STK39: variants seen among roughly 807,000 people sequenced by gnomAD.
STK39 encodes the protein STE20/SPS1-related proline-alanine-rich protein kinase.
A neutral mutation model predicts 77.8 loss-of-function variants in STK39; 20 were observed. The ratio of observed to expected loss-of-function variants is 0.26; its 90% CI spans 0.18 to 0.37. The LOEUF (loss-of-function observed/expected upper bound fraction) is 0.37. Among genes scored for constraint, STK39 ranks in the 10% least tolerant of loss-of-function variants. STK39 has a pLI of 1.00. For synonymous variants in STK39, 246 were observed against 234.1 expected (o/e 1.05, Z -0.47); for missense variants, 479 against 656.5 (o/e 0.73, Z 2.95).
At chr2:168,186,567 T>C (rs1022997031) in intron 1 of STK39, among the ~76,000 whole-genome samples, 1 of 152,188 alleles carries the variant, frequency 6.6e-6, no homozygotes, top group Non-Finnish European at 1.5e-5. Context: ...TAGACAGGGA[T>C]TCTATCCAAA....
chr2:168,114,420 A>G (rs1687204781), intron 10 of STK39, among the ~76,000 whole-genome samples: 2 of 152,212 alleles, frequency 1.3e-5, no homozygotes, highest in Non-Finnish European at 2.9e-5. Flanking sequence ...AAGAAGGCAA[A>G]AAAAGCATTT....
At chr2:168,019,144 T>C (rs1055634405) in intron 14 of STK39, among the ~76,000 whole-genome samples, 6 of 152,200 alleles carry the variant, frequency 3.9e-5, no homozygotes, top group Non-Finnish European at 7.3e-5. Flanking sequence ...ATAACTGTGC[T>C]TCTTTTAGGA....
chr2:168,041,442 A>G (rs1311710527), intron 14 of STK39, among the ~76,000 whole-genome samples: 1 of 147,578 alleles, frequency 6.8e-6, no homozygotes, highest in Non-Finnish European at 1.5e-5. Context: ...TGTCCACTGT[A>G]TATTTGGGGA....
chr2:168,207,916 G>A (rs1689783230), intron 1 of STK39, among the ~76,000 whole-genome samples: 2 of 152,138 alleles, frequency 1.3e-5, no homozygotes, highest in Admixed American at 6.5e-5. Context: ...CAAAAGTGGA[G>A]GGAAGAGTAA....
At chr2:168,203,778 G>A (rs1412615878) in intron 1 of STK39, among the ~76,000 whole-genome samples, 1 of 152,232 alleles carries the variant, frequency 6.6e-6, no homozygotes, top group East Asian at 1.9e-4. Flanking sequence ...ATTTTTAGTA[G>A]AGACGGGGTT....
intron 17 of STK39, among the ~76,000 whole-genome samples, chr2:167,963,565 T>C (rs2105529129): frequency 6.6e-6 from 1 of 151,658 alleles, no homozygotes; most frequent in East Asian, 1.9e-4. Flanking sequence ...GACAGTGTCA[T>C]CCCAAACCAG....
At chr2:168,227,977 C>A (rs996909367) in intron 1 of STK39, among the ~76,000 whole-genome samples, 3 of 152,220 alleles carry the variant, frequency 2.0e-5, no homozygotes, top group Admixed American at 2.0e-4. Context: ...TTCTACCAAT[C>A]AACGAAGTGC....
chr2:168,119,680 C>G (rs1170572774), intron 10 of STK39, among the ~76,000 whole-genome samples: 1 of 152,142 alleles, frequency 6.6e-6, no homozygotes, highest in African/African-American at 2.4e-5. Context: ...TCCACAATGG[C>G]ACAGACTTAA....
At chr2:168,133,677 G>T (rs944812013) in intron 8 of STK39, among the ~76,000 whole-genome samples, 1 of 152,128 alleles carries the variant, frequency 6.6e-6, no homozygotes, top group African/African-American at 2.4e-5. Context: ...GGCCAACATG[G>T]TGAAACCCCA....
At chr2:168,019,037 C>A (rs2105323333) in intron 14 of STK39, among the ~76,000 whole-genome samples, 1 of 152,024 alleles carries the variant, frequency 6.6e-6, no homozygotes, top group East Asian at 1.9e-4. Flanking sequence ...GAGCCTTGGA[C>A]CTTGAACTTT....
At chr2:168,240,074 C>T (rs1690720905) in intron 1 of STK39, among the ~76,000 whole-genome samples, 1 of 152,138 alleles carries the variant, frequency 6.6e-6, no homozygotes, top group African/African-American at 2.4e-5. Flanking sequence ...GAGCTCTTTG[C>T]TACATAGATG....
intron 14 of STK39, among the ~76,000 whole-genome samples, chr2:168,040,887 T>C (rs1002442868): frequency 1.8e-4 from 27 of 152,220 alleles, no homozygotes; most frequent in Admixed American, 1.5e-3. Context: ...CTTAAAAAAA[T>C]AGTCACTGAA....
intron 16 of STK39, among the ~76,000 whole-genome samples, chr2:167,973,570 G>A (rs1360471216): frequency 6.6e-6 from 1 of 152,178 alleles, no homozygotes; most frequent in African/African-American, 2.4e-5. Flanking sequence ...ATTTGTGAAA[G>A]AAAATTTATG....
chr2:167,986,455 G>A (rs1683559774), intron 16 of STK39, among the ~76,000 whole-genome samples: 1 of 152,020 alleles, frequency 6.6e-6, no homozygotes, highest in African/African-American at 2.4e-5. Context: ...ATTTATAAAA[G>A]GGTCACATAC....
chr2:168,105,007 T>C (rs994033833), intron 10 of STK39, among the ~76,000 whole-genome samples: 2 of 152,158 alleles, frequency 1.3e-5, no homozygotes, highest in Admixed American at 1.3e-4. Flanking sequence ...ATATAATCAG[T>C]GGAAAAAAAG....
At chr2:168,080,646 T>C (rs2105414581) in intron 10 of STK39, among the ~76,000 whole-genome samples, 1 of 151,606 alleles carries the variant, frequency 6.6e-6, no homozygotes, top group Non-Finnish European at 1.5e-5. Context: ...AAAAAAAATG[T>C]TAATCACCAA....
At chr2:168,025,645 A>G (rs1684676381) in intron 14 of STK39, among the ~76,000 whole-genome samples, 1 of 152,260 alleles carries the variant, frequency 6.6e-6, no homozygotes, top group Non-Finnish European at 1.5e-5. Context: ...TATTCAGGGA[A>G]TAGTCCTTGG....
chr2:168,011,726 C>T (rs16854534), intron 16 of STK39, among the ~76,000 whole-genome samples: 6,252 of 152,142 alleles, frequency 0.041, 455 homozygotes, highest in African/African-American at 0.14. Flanking sequence ...TATCTCCGTG[C>T]AGCTATCTTA....
chr2:167,968,503 T>A (rs1049938549), intron 16 of STK39, among the ~76,000 whole-genome samples: 1 of 152,232 alleles, frequency 6.6e-6, no homozygotes, highest in African/African-American at 2.4e-5. Context: ...AACAGTGAGT[T>A]AATTCACTTA....
Sources: gnomAD v4.1 joint callset for allele counts (sites outside exome capture counted in the v4.1 genomes callset) on GRCh38, gnomAD v4.1.1 for gene constraint, MANE v1.5 for transcripts, NCBI Gene and HGNC (gene_info 2026-07-23, HGNC 2026-07-21) for gene names.